The following SSR2 variants were observed in gnomAD, a reference collection of about 807,000 sequenced individuals.
SSR2 encodes the protein signal sequence receptor subunit 2.
In SSR2, 16 loss-of-function variants were observed where a neutral mutation model predicts 22.6. The observed-to-expected ratio is 0.71, with a 90% CI of 0.48 to 1.08. The LOEUF (loss-of-function observed/expected upper bound fraction) is 1.08. Among genes scored for constraint, SSR2 ranks in the 50% least tolerant of loss-of-function variants. SSR2 has a pLI of 0.00. For synonymous variants in SSR2, 83 were observed against 91.2 expected (o/e 0.91, Z 0.51); for missense variants, 171 against 221.6 (o/e 0.77, Z 1.45).
At chr1:156,018,902 G>T (rs1244101031) in intron 2 of SSR2, among the ~76,000 whole-genome samples, 3 of 151,838 alleles carry the variant, frequency 2.0e-5, no homozygotes, top group Non-Finnish European at 4.4e-5. Flanking sequence ...AGGCATGGTG[G>T]TATGCGCCTG....
At chr1:156,017,925 T>C (rs368480524) in intron 3 of SSR2, among the ~76,000 whole-genome samples, 2 of 151,224 alleles carry the variant, frequency 1.3e-5, no homozygotes, top group African/African-American at 4.9e-5. Flanking sequence ...AATTTTTGTA[T>C]TTTTAATAGA....
Position 156,018,310 on chromosome 1 carries a change from C to T in SSR2, c.214G>A (p.Val72Met), listed in dbSNP as rs142680565. ...CATTTGACATTGAGCATTCCAGACACAATGCCAAAGTCTTCTGGAGGGAAG... is the reference window on the plus strand; with the variant it reads ...CATTTGACATTGAGCATTCCAGACATAATGCCAAAGTCTTCTGGAGGGAAG... ...DSFPPEDFGI[V>M]SGMLNVKWDR... Residue 72 changes from valine to methionine, a missense_variant, in exon 3 of 6, where the codon GTG (valine) becomes ATG (methionine). Transcript: ENST00000295702. 61 of 1,613,982 alleles carry T rather than the reference C, an allele frequency of 3.8e-5. 2 individuals carry two copies. The highest frequency in any genetic ancestry group is 5.0e-5 in the Non-Finnish European group (59 of 1,179,986).
intron 2 of SSR2, chr1:156,019,365 C>A (rs745443795): frequency 7.1e-6 from 2 of 282,422 alleles, no homozygotes; most frequent in Admixed American, 4.1e-5. Flanking sequence ...ATGCTCTAGG[C>A]TAATGAAAGA....
chr1:156,015,184 C>G (rs1302165668), intron 3 of SSR2, 115 bp from the exon 4 acceptor site: 1 of 760,584 alleles, frequency 1.3e-6, no homozygotes, highest in Admixed American at 2.2e-5. Context: ...TGATCTCATG[C>G]CGGCAATATT....
chr1:156,012,248 C>T, intron 4 of SSR2: 1 of 300,678 alleles, frequency 3.3e-6, no homozygotes, highest in Non-Finnish European at 6.6e-6. Context: ...GGTCCCTCTA[C>T]AGGGCAAGGT....
intron 3 of SSR2, among the ~76,000 whole-genome samples, chr1:156,017,137 C>G (rs1439881217): frequency 1.3e-5 from 2 of 152,156 alleles, no homozygotes; most frequent in South Asian, 2.1e-4. Flanking sequence ...GGCTTGAACT[C>G]CCAAGCCCTA....
At position 156,020,888 on chromosome 1, in the gene SSR2, C is replaced by A. The variant is rs528343984; in HGVS notation, c.-1G>T. The A allele has an allele frequency of 4.2e-6, 2 of 471,254 alleles. No homozygotes were observed. Among genetic ancestry groups the A allele is most frequent in the African/African-American group, 2.0e-5 (1 of 50,190 alleles). The allele number at this position is 471,254 out of a possible 1,614,324, so 29.2% of individuals were successfully genotyped here. A position where few individuals can be genotyped will look rare whatever the true frequency, so the allele number is the denominator to read the frequency against. ...GGACGCCCTAAGCCTCCGGACTTAC[C>A]GTTGGCATCCCAAACGCCTTTCCGG... On this transcript the variant is annotated splice_region_variant and 5_prime_UTR_variant, in exon 1 of 6. Coordinates refer to ENST00000295702, the MANE Select transcript of SSR2 (RefSeq NM_003145.4).
Position 156,009,439 on chromosome 1 carries a change from A to C in SSR2, c.*101T>G. On this transcript the variant is annotated 3_prime_UTR_variant, in exon 6 of 6. Coordinates refer to ENST00000295702, the MANE Select transcript of SSR2 (RefSeq NM_003145.4). ...GAAAGTGGCCAAGGGCTAAGAGAGA[A>C]GAGATTGCATTTAAGATACCCTTTG... 2 of 918,028 alleles carry C rather than the reference A, an allele frequency of 2.2e-6. No homozygotes were observed. The highest frequency in any genetic ancestry group is 1.8e-6 in the Non-Finnish European group (1 of 565,554). The allele number at this position is 918,028 out of a possible 1,614,324, so 56.9% of individuals were successfully genotyped here.
chr1:156,019,870 G>A (rs1220755159), intron 2 of SSR2, 143 bp downstream of exon 2: 2 of 828,184 alleles, frequency 2.4e-6, no homozygotes, highest in East Asian at 2.9e-5. Context: ...AGTAGATCCC[G>A]AAGTGTATTC....
rs1406078356 is a variant in SSR2, at chr1:156,019,477, C to T, written c.155+536G>A. 7.2e-5 allele frequency among the ~76,000 whole-genome samples: 11 copies of T among 152,222 alleles called. No homozygotes were observed. The East Asian group carries it at 1.5e-3, about 21-fold the overall frequency. Reference sequence around the variant, plus strand: ...CCGGCTCACTGCAACTTCCGCCTCCCGGGTTCAAGCGATTCTTTTGCCTCA... The same window carrying T: ...CCGGCTCACTGCAACTTCCGCCTCCTGGGTTCAAGCGATTCTTTTGCCTCA... On this transcript the variant is annotated intron_variant, in intron 2 of 5. Transcript: ENST00000295702.
chr1:156,012,915 CAA>C (rs991975502), intron 4 of SSR2: 4 of 142,794 alleles, frequency 2.8e-5, no homozygotes, highest in African/African-American at 1.1e-4. Context: ...TTACATCAAT[CAA>C]AAGACTGTTT....
chr1:156,014,881 C>T, intron 4 of SSR2, 80 bp downstream of exon 4: 2 of 1,145,070 alleles, frequency 1.7e-6, no homozygotes, highest in Admixed American at 1.9e-5. Context: ...CTCTCTTCAT[C>T]CCCCTCTTAC....
chr1:156,011,755 CA>C, intron 5 of SSR2, 54 bp downstream of exon 5: 1 of 1,487,840 alleles, frequency 6.7e-7, no homozygotes, highest in African/African-American at 1.4e-5. Context: ...GGTCCAGAAC[CA>C]AAAGGGCATT....
In SSR2 at chr1:156,010,061, C is replaced by T. The variant is rs543327612; in HGVS notation, c.442-411G>A. Among the ~76,000 whole-genome samples, 5 of 151,868 alleles carry T rather than the reference C, an allele frequency of 3.3e-5. No homozygotes were observed. In the East Asian group the frequency reaches 5.8e-4, roughly 18 times the overall value. On this transcript the variant is annotated intron_variant, in intron 5 of 5. Transcript: ENST00000295702. ...TGCTGGGATTACAGGCATGAGCCACCGCGCCCGGCCGATACAAGGTCTTGC... is the reference window on the plus strand; with the variant it reads ...TGCTGGGATTACAGGCATGAGCCACTGCGCCCGGCCGATACAAGGTCTTGC...
chr1:156,018,932 G>A (rs1289246637), intron 2 of SSR2, among the ~76,000 whole-genome samples: 4 of 152,152 alleles, frequency 2.6e-5, no homozygotes, highest in Admixed American at 6.6e-5. Context: ...CTACTCGGGA[G>A]GCTGAGGCAG....
intron 3 of SSR2, 40 bp downstream of exon 3, chr1:156,018,230 C>A: frequency 6.6e-7 from 1 of 1,518,838 alleles, no homozygotes; most frequent in South Asian, 1.1e-5. Context: ...AAGGCTCTCC[C>A]TGCCCCCCGA....
At chr1:156,012,418 T>TG (rs1682990076) in intron 4 of SSR2, 2 of 411,802 alleles carry the variant, frequency 4.9e-6, no homozygotes. Flanking sequence ...GGGTTGAGTC[T>TG]GGTCCACATT....
intron 2 of SSR2, chr1:156,019,175 ATTC>A (rs1683108045): frequency 2.4e-6 from 1 of 413,446 alleles, no homozygotes. Flanking sequence ...CAAGGACTGG[ATTC>A]TATTGCTCAG....
rs551749634 is a variant in SSR2, at chr1:156,015,223, T to C, written c.255-154A>G. 4 of 639,430 alleles carry C rather than the reference T, an allele frequency of 6.3e-6. No individual in the cohort carries two copies. In the South Asian group the frequency reaches 7.4e-5, roughly 12 times the overall value. 39.6% of individuals were successfully genotyped at this position (639,430 alleles called of 1,614,324 possible). ...CAGGAATGAAAAAATATAGGCTTCT[T>C]TGCCGGGCATGGTGGCTCACGCCTG... On this transcript the variant is annotated intron_variant, in intron 3 of 5. Coordinates refer to ENST00000295702, the MANE Select transcript of SSR2 (RefSeq NM_003145.4).
Sources: gnomAD v4.1 joint callset for allele counts (sites outside exome capture counted in the v4.1 genomes callset) on GRCh38, gnomAD v4.1.1 for gene constraint, MANE v1.5 for transcripts, NCBI Gene and HGNC (gene_info 2026-07-23, HGNC 2026-07-21) for gene names.